The following RAP1GAP2 variants were observed in gnomAD, a reference collection of about 807,000 sequenced individuals.
RAP1GAP2 encodes the protein rap1 GTPase-activating protein 2.
In RAP1GAP2, 27 loss-of-function variants were observed where a neutral mutation model predicts 95.0. That is an observed-to-expected ratio of 0.28 (90% CI 0.21 to 0.39). The LOEUF (loss-of-function observed/expected upper bound fraction) is 0.39, where lower values mean the gene tolerates loss of function less well. Ranked by LOEUF, RAP1GAP2 falls within the 10% of genes least tolerant of loss-of-function variation. RAP1GAP2 has a pLI of 1.00. For missense variants in RAP1GAP2, 771 were observed against 970.0 expected, an observed-to-expected ratio of 0.79 and a Z score of 2.72; for synonymous variants, 373 against 380.9, an observed-to-expected ratio of 0.98 and a Z score of 0.24.
chr17:2,828,890 C>T (rs2070707122), intron 2 of RAP1GAP2, among the ~76,000 whole-genome samples: 1 of 151,782 alleles, frequency 6.6e-6, no homozygotes, highest in African/African-American at 2.4e-5. Context: ...TTGCTCTCTC[C>T]TTTTGCTTTT....
intron 3 of RAP1GAP2, among the ~76,000 whole-genome samples, chr17:2,943,687 AC>A (rs2043591500): frequency 7.0e-6 from 1 of 143,592 alleles, no homozygotes; most frequent in Admixed American, 7.0e-5. Context: ...ACAAAAAAAA[AC>A]AAACAAAAAC....
chr17:2,907,687 G>C (rs1211615221), intron 3 of RAP1GAP2, among the ~76,000 whole-genome samples: 1 of 152,168 alleles, frequency 6.6e-6, no homozygotes, highest in Non-Finnish European at 1.5e-5. Context: ...CCGAGTGGAG[G>C]AGAGTGTTCT....
chr17:2,908,688 G>C (rs1026131364), intron 3 of RAP1GAP2, among the ~76,000 whole-genome samples: 2 of 151,998 alleles, frequency 1.3e-5, no homozygotes, highest in Non-Finnish European at 2.9e-5. Flanking sequence ...CAGGAGGGAG[G>C]ATTAGGATTC....
intron 3 of RAP1GAP2, among the ~76,000 whole-genome samples, chr17:2,938,644 AT>A (rs1313932340): frequency 2.6e-5 from 4 of 151,986 alleles, no homozygotes; most frequent in African/African-American, 9.7e-5. Flanking sequence ...AACCATGTTA[AT>A]TTTTTTTAAA....
intron 1 of RAP1GAP2, among the ~76,000 whole-genome samples, chr17:2,787,424 T>TA (rs1231671430): frequency 1.3e-5 from 2 of 152,100 alleles, no homozygotes; most frequent in Non-Finnish European, 2.9e-5. Context: ...CTGGCTAATT[T>TA]AAAAAAATTT....
intron 10 of RAP1GAP2, among the ~76,000 whole-genome samples, chr17:2,983,195 G>A (rs1338038327): frequency 3.3e-5 from 5 of 151,836 alleles, no homozygotes; most frequent in Non-Finnish European, 5.9e-5. Flanking sequence ...TCTTCCTCTC[G>A]CATAACGCGT....
chr17:2,999,975 T>A (rs183441608), intron 14 of RAP1GAP2, among the ~76,000 whole-genome samples: 1 of 152,218 alleles, frequency 6.6e-6, no homozygotes, highest in African/African-American at 2.4e-5. Context: ...TGAGACAGAG[T>A]CTTGCTCTGT....
chr17:2,966,935 G>A (rs1037311207), intron 8 of RAP1GAP2, among the ~76,000 whole-genome samples: 1 of 152,110 alleles, frequency 6.6e-6, no homozygotes, highest in African/African-American at 2.4e-5. Context: ...ATGCTGCTTC[G>A]GGGCTGAAAG....
At chr17:2,780,131 A>C (rs2068608262) in intron 1 of RAP1GAP2, among the ~76,000 whole-genome samples, 1 of 152,030 alleles carries the variant, frequency 6.6e-6, no homozygotes, top group South Asian at 2.1e-4. Flanking sequence ...GCTCACCGCA[A>C]CCTCCGCCTC....
In RAP1GAP2 at chr17:3,006,020, G is replaced by T; in HGVS notation, c.1338G>T (p.Ser446=). 6.2e-7 allele frequency: 1 copy of T among 1,613,668 alleles called. No homozygotes were observed. The highest frequency in any genetic ancestry group is 1.1e-5 in the South Asian group (1 of 91,058). The part of the protein sequence containing the change: ...LTNAENACCK[S]DKFAKLEDRT... ...ATGCCGAGAACGCCTGCTGCAAGTC[G>T]GACAAGTTTGCAAAGCTGGAGGTGA... is the stretch of plus-strand genomic sequence containing the variant. The change falls in exon 16 of 25, where the codon TCG becomes TCT. Residue 446 remains serine, a synonymous_variant. Coordinates refer to ENST00000254695, the MANE Select transcript of RAP1GAP2 (RefSeq NM_015085.5).
chr17:2,984,076 C>T (rs935865250), intron 10 of RAP1GAP2, among the ~76,000 whole-genome samples: 7 of 152,186 alleles, frequency 4.6e-5, no homozygotes, highest in African/African-American at 7.2e-5. Flanking sequence ...TTAGGCTGGG[C>T]GTGGTAGCTC....
intron 20 of RAP1GAP2, 45 bp downstream of exon 20, chr17:3,026,166 C>A (rs1014442168): frequency 1.4e-6 from 2 of 1,463,168 alleles, no homozygotes; most frequent in Non-Finnish European, 1.9e-6. Context: ...CCACGTGGAG[C>A]CCTGGAACAC....
At chr17:2,919,785 C>G (rs967652468) in intron 3 of RAP1GAP2, among the ~76,000 whole-genome samples, 6 of 152,182 alleles carry the variant, frequency 3.9e-5, no homozygotes, top group African/African-American at 1.4e-4. Flanking sequence ...TCACTGCAAC[C>G]TCTGCCTCCC....
At position 3,029,738 on chromosome 17, in the gene RAP1GAP2, G is replaced by T. The variant is rs1257978345; in HGVS notation, c.2108-1184G>T. Among the ~76,000 whole-genome samples, 2 of 152,152 alleles carry T rather than the reference G, an allele frequency of 1.3e-5. No individual in the cohort carries two copies. Among genetic ancestry groups the T allele is most frequent in the Non-Finnish European group, 2.9e-5 (2 of 68,042 alleles). The stretch of plus-strand genomic sequence containing the variant: ...CCCTCGGCCAGAGGACAGCCAGAAA[G>T]TCAAGTGGCCCTCCTGCCAGCGGGG... On this transcript the variant is annotated intron_variant, in intron 22 of 24. Coordinates refer to ENST00000254695, the MANE Select transcript of RAP1GAP2 (RefSeq NM_015085.5). This position sits in a 1 kb window ranked among gnomAD's most constrained non-coding sequence, Gnocchi z 4.4.
intron 2 of RAP1GAP2, among the ~76,000 whole-genome samples, chr17:2,864,190 G>A (rs1023663998): frequency 6.6e-6 from 1 of 152,178 alleles, no homozygotes; most frequent in East Asian, 1.9e-4. Flanking sequence ...AGTCTGAGGC[G>A]GAGGTGGGGA....
At chr17:2,810,011 C>T (rs1382397448) in intron 2 of RAP1GAP2, among the ~76,000 whole-genome samples, 3 of 137,702 alleles carry the variant, frequency 2.2e-5, no homozygotes, top group Non-Finnish European at 4.6e-5. Flanking sequence ...CTGGCTTGTG[C>T]TGGGACCCTC....
chr17:2,941,158 T>C (rs1266682987), intron 3 of RAP1GAP2, among the ~76,000 whole-genome samples: 1 of 152,114 alleles, frequency 6.6e-6, no homozygotes, highest in Non-Finnish European at 1.5e-5. Flanking sequence ...TCCCAGCACT[T>C]TGGGAGGCCG....
upstream of RAP1GAP2, among the ~76,000 whole-genome samples, chr17:2,792,657 C>T (rs1034677872): frequency 1.3e-5 from 2 of 152,224 alleles, no homozygotes; most frequent in Non-Finnish European, 2.9e-5. Context: ...GAAGTCCAGG[C>T]TGTGGGTTCT....
In RAP1GAP2 at chr17:2,790,926, C is replaced by T. The variant is rs138271964; in HGVS notation, c.-13-9589C>T. 3.4e-3 allele frequency among the ~76,000 whole-genome samples: 514 copies of T among 152,342 alleles called. 4 individuals are homozygous for T. The highest frequency in any genetic ancestry group is 6.0e-3 in the Non-Finnish European group (406 of 68,030). On this transcript the variant is annotated intron_variant, in intron 1 of 24. Coordinates refer to the RAP1GAP2 transcript ENST00000540393. Reference sequence around the variant, plus strand: ...AAAAGCCCGTAGAGGCCGGGCGCTGCGAGCGCCGTGGCTCACGCCTGTAAT... The same window carrying T: ...AAAAGCCCGTAGAGGCCGGGCGCTGTGAGCGCCGTGGCTCACGCCTGTAAT...
Sources: gnomAD v4.1 joint callset for allele counts (sites outside exome capture counted in the v4.1 genomes callset) on GRCh38, gnomAD v4.1.1 for gene constraint, Gnocchi (gnomAD v3.1) non-coding constraint, MANE v1.5 for transcripts, NCBI Gene and HGNC (gene_info 2026-07-23, HGNC 2026-07-21) for gene names.